SUMF1: variants seen among roughly 807,000 people sequenced by gnomAD.
The protein encoded by SUMF1 is sulfatase modifying factor 1.
In SUMF1, 48 loss-of-function variants were observed where a neutral mutation model predicts 47.6. The ratio of observed to expected loss-of-function variants is 1.01; its 90% CI spans 0.80 to 1.28. SUMF1 has a LOEUF of 1.28. Ranked by LOEUF, SUMF1 falls within the 50% of genes most tolerant of loss-of-function variation. The pLI is 0.00. For missense variants in SUMF1, 571 were observed against 485.4 expected (o/e 1.18, Z -1.66); for synonymous variants, 230 against 192.1 (o/e 1.20, Z -1.63).
chr3:4,290,725 T>C (rs1408684427), intron 8 of SUMF1, among the ~76,000 whole-genome samples: 2 of 152,196 alleles, frequency 1.3e-5, no homozygotes, highest in Non-Finnish European at 2.9e-5. Flanking sequence ...TACTTCATAT[T>C]GTATAGTCTT....
chr3:4,153,279 A>G (rs887833200), intron 8 of SUMF1, among the ~76,000 whole-genome samples: 1 of 151,576 alleles, frequency 6.6e-6, no homozygotes, highest in Non-Finnish European at 1.5e-5. Context: ...GTAAGCAATC[A>G]TAGCTCACTG....
chr3:4,095,524 G>A (rs1415179373), intron 8 of SUMF1, among the ~76,000 whole-genome samples: 1 of 152,034 alleles, frequency 6.6e-6, no homozygotes, highest in Non-Finnish European at 1.5e-5. Context: ...GTTCAGCATT[G>A]TTCAAGGAGA....
chr3:4,459,297 C>A (rs902331409), intron 1 of SUMF1, among the ~76,000 whole-genome samples: 1 of 151,580 alleles, frequency 6.6e-6, no homozygotes, highest in Non-Finnish European at 1.5e-5. Context: ...CACGTTGTAC[C>A]CCACAAATTA....
chr3:4,136,648 G>A lies in SUMF1; in HGVS notation c.1015-67903C>T, dbSNP rs567067853. ...GATCTAATTAAACTAAAGAGCTTCC[G>A]CACAGCAAAAGAAACTACCATCAGA... On this transcript the variant is annotated intron_variant and NMD_transcript_variant, in intron 8 of 12. Transcript: ENST00000448413. Among the ~76,000 whole-genome samples the A allele has an allele frequency of 2.9e-3, 439 of 151,440 alleles. 4 individuals carry two copies. The highest frequency in any genetic ancestry group is 0.01 in the African/African-American group (411 of 41,038).
At chr3:4,131,825 T>C (rs920244664) in intron 8 of SUMF1, among the ~76,000 whole-genome samples, 1 of 152,134 alleles carries the variant, frequency 6.6e-6, no homozygotes, top group Admixed American at 6.6e-5. Context: ...TGACCCATTC[T>C]GGGGACACCA....
chr3:4,390,391 G>T (rs1700820485), intron 7 of SUMF1, among the ~76,000 whole-genome samples: 1 of 152,194 alleles, frequency 6.6e-6, no homozygotes, highest in Non-Finnish European at 1.5e-5. Context: ...GCCTTTGCTG[G>T]ACAGTTTTTT....
At chr3:4,285,650 G>T (rs1370982906) in intron 8 of SUMF1, among the ~76,000 whole-genome samples, 4 of 152,074 alleles carry the variant, frequency 2.6e-5, no homozygotes, top group Non-Finnish European at 5.9e-5. Context: ...TAGATTACAA[G>T]CTCTCTGAGG....
At chr3:4,284,349 G>C (rs1034784826) in intron 8 of SUMF1, among the ~76,000 whole-genome samples, 2 of 151,538 alleles carry the variant, frequency 1.3e-5, no homozygotes, top group African/African-American at 4.9e-5. Context: ...GGAGGTTGAG[G>C]CTGCAGTGAG....
At chr3:4,434,925 C>T (rs1702348402) in intron 3 of SUMF1, among the ~76,000 whole-genome samples, 1 of 152,044 alleles carries the variant, frequency 6.6e-6, no homozygotes. Flanking sequence ...TTATCAAAGA[C>T]TTTATTTTTT....
chr3:4,090,029 C>A (rs531555926), intron 8 of SUMF1, among the ~76,000 whole-genome samples: 78 of 152,244 alleles, frequency 5.1e-4, no homozygotes, highest in African/African-American at 1.7e-3. Context: ...AAACTGTGAG[C>A]TCCATGACCC....
At chr3:4,350,734 A>T (rs1699482545) in intron 8 of SUMF1, among the ~76,000 whole-genome samples, 1 of 152,078 alleles carries the variant, frequency 6.6e-6, no homozygotes, top group African/African-American at 2.4e-5. Context: ...AGCTCTCTTC[A>T]CCTCTGCAGG....
intron 9 of SUMF1, among the ~76,000 whole-genome samples, chr3:4,035,298 C>T (rs1473092451): frequency 6.6e-6 from 1 of 152,090 alleles, no homozygotes; most frequent in Non-Finnish European, 1.5e-5. Flanking sequence ...GGCTAGATTC[C>T]ACCTAAAAGC....
intron 8 of SUMF1, among the ~76,000 whole-genome samples, chr3:4,132,399 T>C (rs774855961): frequency 6.6e-6 from 1 of 152,106 alleles, no homozygotes; most frequent in Non-Finnish European, 1.5e-5. Context: ...ACAATTACAA[T>C]GTCAACTAGG....
chr3:4,399,994 T>C (rs567358813), intron 7 of SUMF1, among the ~76,000 whole-genome samples: 4 of 152,254 alleles, frequency 2.6e-5, no homozygotes, highest in South Asian at 2.1e-4. Flanking sequence ...CCACTTCACC[T>C]TCCCAAGATG....
intron 8 of SUMF1, among the ~76,000 whole-genome samples, chr3:4,149,917 T>C (rs1334677724): frequency 6.6e-6 from 1 of 152,132 alleles, no homozygotes; most frequent in Non-Finnish European, 1.5e-5. Context: ...CCTCAATGGG[T>C]ACATATTTAT....
chr3:4,321,746 C>T (rs969729883), intron 8 of SUMF1, among the ~76,000 whole-genome samples: 5 of 151,990 alleles, frequency 3.3e-5, no homozygotes, highest in African/African-American at 9.7e-5. Context: ...TTTCTGCCCA[C>T]GAAAAGGGGG....
At chr3:4,195,652 T>C (rs1174770829) in intron 8 of SUMF1, among the ~76,000 whole-genome samples, 1 of 152,168 alleles carries the variant, frequency 6.6e-6, no homozygotes, top group Non-Finnish European at 1.5e-5. Context: ...GATCTAAGCA[T>C]ATCATGGAGA....
intron 8 of SUMF1, among the ~76,000 whole-genome samples, chr3:4,352,643 T>C (rs1383054050): frequency 6.7e-6 from 1 of 149,968 alleles, no homozygotes; most frequent in Admixed American, 6.7e-5. Context: ...AGACATTTTA[T>C]ACAAAGTGAT....
chr3:4,227,697 T>C (rs567060521), intron 8 of SUMF1, among the ~76,000 whole-genome samples: 2 of 151,962 alleles, frequency 1.3e-5, no homozygotes, highest in South Asian at 4.2e-4. Context: ...AGTCCTCAGG[T>C]GGGAAGAATG....
Sources: allele counts gnomAD v4.1 joint callset (sites outside exome capture counted in the v4.1 genomes callset), GRCh38; gene constraint gnomAD v4.1.1; transcripts MANE v1.5; gene names NCBI Gene and HGNC (gene_info 2026-07-23, HGNC 2026-07-21).